Variants in CDK6 observed in about 807,000 individuals in gnomAD.
The protein encoded by CDK6 is cyclin-dependent kinase 6.
Under a neutral mutation model 37.1 loss-of-function variants are expected in CDK6, and 6 were observed. That is an observed-to-expected ratio of 0.16 (90% CI 0.09 to 0.32). The LOEUF (loss-of-function observed/expected upper bound fraction) is 0.32, where lower values mean the gene tolerates loss of function less well. Ranked by LOEUF, CDK6 falls within the 10% of genes least tolerant of loss-of-function variation. The probability of loss-of-function intolerance (pLI) is 1.00; values close to 1 mark genes in which losing one functional copy is unlikely to be tolerated. For synonymous variants in CDK6, 160 were observed against 161.3 expected (o/e 0.99, Z 0.06); for missense variants, 224 against 418.9 (o/e 0.53, Z 4.06).
chr7:92,693,096 G>A (rs1797632778), intron 4 of CDK6, among the ~76,000 whole-genome samples: 1 of 152,142 alleles, frequency 6.6e-6, no homozygotes, highest in African/African-American at 2.4e-5. Context: ...AACATAATCT[G>A]CATAGTGGAA....
At chr7:92,828,872 C>G (rs1801402827) in intron 2 of CDK6, among the ~76,000 whole-genome samples, 1 of 152,080 alleles carries the variant, frequency 6.6e-6, no homozygotes, top group Non-Finnish European at 1.5e-5. Context: ...ATTTACTAAA[C>G]AACCTTGAAA....
intron 2 of CDK6, among the ~76,000 whole-genome samples, chr7:92,798,740 A>C (rs998980954): frequency 6.6e-6 from 1 of 152,062 alleles, no homozygotes; most frequent in Admixed American, 6.6e-5. Context: ...CTCCTCTTCA[A>C]CATCTAGCTC....
intron 6 of CDK6, among the ~76,000 whole-genome samples, chr7:92,619,453 T>C (rs1326464165): frequency 1.3e-5 from 2 of 152,032 alleles, no homozygotes; most frequent in Admixed American, 6.6e-5. Context: ...ACGGGGTACA[T>C]AGCTATTCAA....
At chr7:92,729,700 A>C (rs2115574231) in intron 3 of CDK6, among the ~76,000 whole-genome samples, 1 of 152,264 alleles carries the variant, frequency 6.6e-6, no homozygotes, top group South Asian at 2.1e-4. Flanking sequence ...CTAAAAAACG[A>C]CTTCAGGCTT....
rs1800569562 is a variant in CDK6, at chr7:92,801,367, GT to G, written c.234-26537del. ...ATGAACTGGAAAAATTGCCTTCAAA[GT>G]TTCTTTCTTAAATAACTGTACATAC... On this transcript the variant is annotated intron_variant, in intron 2 of 7. Coordinates refer to ENST00000424848, the MANE Select transcript of CDK6 (RefSeq NM_001145306.2). Among the ~76,000 whole-genome samples the G allele has an allele frequency of 2.0e-5, 3 of 152,142 alleles. No individual in the cohort carries two copies. The South Asian group carries it at 6.2e-4, about 32-fold the overall frequency.
intron 2 of CDK6, among the ~76,000 whole-genome samples, chr7:92,794,692 G>GCTA (rs1486826344): frequency 6.6e-6 from 1 of 151,996 alleles, no homozygotes; most frequent in African/African-American, 2.4e-5. Flanking sequence ...ACTCCTCTGT[G>GCTA]CTACCACAAC....
At chr7:92,619,647 C>T (rs1242138394) in intron 6 of CDK6, among the ~76,000 whole-genome samples, 3 of 151,698 alleles carry the variant, frequency 2.0e-5, no homozygotes, top group Non-Finnish European at 4.4e-5. Context: ...CCCCTTCCCT[C>T]ACCTACACGG....
chr7:92,812,483 TC>T, intron 2 of CDK6, among the ~76,000 whole-genome samples: 1 of 152,096 alleles, frequency 6.6e-6, no homozygotes, highest in South Asian at 2.1e-4. Context: ...AGTGGTGTGA[TC>T]ATGGCTCACT....
chr7:92,794,628 C>T (rs1005494547), intron 2 of CDK6, among the ~76,000 whole-genome samples: 2 of 152,124 alleles, frequency 1.3e-5, no homozygotes, highest in Non-Finnish European at 2.9e-5. Context: ...TATGCTCACA[C>T]ATTCTCCATA....
chr7:92,611,574 A>G lies in CDK6; in HGVS notation c.*3566T>C. ...CTGACTTTAATAGGCACCACTTGTA[A>G]AAGAAGCAGCTACAGTTTCTTAAAC... On this transcript the variant is annotated 3_prime_UTR_variant, in exon 8 of 8. Coordinates refer to ENST00000424848, the MANE Select transcript of CDK6 (RefSeq NM_001145306.2). 1 of 228,800 alleles carries G rather than the reference A, an allele frequency of 4.4e-6. No homozygotes were observed. Among genetic ancestry groups the G allele is most frequent in the South Asian group, 1.8e-4 (1 of 5,478 alleles). 14.2% of individuals were successfully genotyped at this position (228,800 alleles called of 1,614,324 possible). A position where few individuals can be genotyped will look rare whatever the true frequency, so the allele number is the denominator to read the frequency against.
intron 2 of CDK6, 68 bp from the exon 3 acceptor site, chr7:92,774,899 A>T: frequency 6.9e-7 from 1 of 1,454,886 alleles, no homozygotes; most frequent in Non-Finnish European, 9.3e-7. Context: ...TGTTTTATAC[A>T]TATCGCTCAA....
intron 4 of CDK6, among the ~76,000 whole-genome samples, chr7:92,681,676 T>C (rs1289101739): frequency 1.3e-5 from 2 of 152,198 alleles, no homozygotes; most frequent in African/African-American, 4.8e-5. Context: ...GGGTGGTGTC[T>C]GTGTAGCAAT....
At chr7:92,733,101 T>C (rs1283725428) in intron 3 of CDK6, among the ~76,000 whole-genome samples, 1 of 152,234 alleles carries the variant, frequency 6.6e-6, no homozygotes, top group Non-Finnish European at 1.5e-5. Flanking sequence ...AAATATGTTA[T>C]GAACATTATC....
At chr7:92,772,344 C>T (rs1362863331) in intron 3 of CDK6, among the ~76,000 whole-genome samples, 2 of 151,968 alleles carry the variant, frequency 1.3e-5, no homozygotes, top group African/African-American at 2.4e-5. Flanking sequence ...ACTATGAAAA[C>T]ATCAATACAA....
chr7:92,749,091 C>T (rs537043955), intron 3 of CDK6, among the ~76,000 whole-genome samples: 4 of 151,086 alleles, frequency 2.6e-5, no homozygotes, highest in Non-Finnish European at 5.9e-5. Flanking sequence ...CCCAGCTACT[C>T]GGGGGGCTGA....
At chr7:92,695,177 A>C (rs1266981945) in intron 4 of CDK6, among the ~76,000 whole-genome samples, 2 of 152,014 alleles carry the variant, frequency 1.3e-5, no homozygotes, top group African/African-American at 4.8e-5. Context: ...GTTTCTTTTA[A>C]ATATTACCAA....
chr7:92,685,325 G>A (rs939365408), intron 4 of CDK6, among the ~76,000 whole-genome samples: 3 of 152,200 alleles, frequency 2.0e-5, no homozygotes, highest in African/African-American at 7.2e-5. Flanking sequence ...CCAGCGGAAG[G>A]CTTCTCACCT....
intron 5 of CDK6, among the ~76,000 whole-genome samples, chr7:92,651,836 G>A (rs545262948): frequency 6.6e-6 from 1 of 152,020 alleles, no homozygotes; most frequent in Non-Finnish European, 1.5e-5. Context: ...GAGGCCCTGG[G>A]ATCTTGGAGA....
intron 2 of CDK6, among the ~76,000 whole-genome samples, chr7:92,787,140 C>T (rs962209908): frequency 6.7e-6 from 1 of 149,170 alleles, no homozygotes; most frequent in African/African-American, 2.5e-5. Flanking sequence ...AGAGGTTGTG[C>T]CACCACACTC....
Sources: gnomAD v4.1 joint callset for allele counts (sites outside exome capture counted in the v4.1 genomes callset) on GRCh38, gnomAD v4.1.1 for gene constraint, MANE v1.5 for transcripts, NCBI Gene and HGNC (gene_info 2026-07-23, HGNC 2026-07-21) for gene names.